RGS5: variants seen among roughly 807,000 people sequenced by gnomAD.
RGS5 encodes the protein regulator of G protein signaling 5.
In RGS5, 20 loss-of-function variants were observed where a neutral mutation model predicts 18.9. That is an observed-to-expected ratio of 1.06 (90% CI 0.74 to 1.54). The LOEUF (loss-of-function observed/expected upper bound fraction) is 1.54. RGS5 is among the 40% of genes most tolerant of loss of function. RGS5 has a pLI of 0.00. For synonymous variants in RGS5, 57 were observed against 76.2 expected, an observed-to-expected ratio of 0.75 and a Z score of 1.31; for missense variants, 201 against 211.8, an observed-to-expected ratio of 0.95 and a Z score of 0.32.
intron 3 of RGS5, among the ~76,000 whole-genome samples, chr1:163,158,646 G>A (rs897157627): frequency 3.9e-5 from 6 of 152,138 alleles, no homozygotes; most frequent in African/African-American, 1.4e-4. Flanking sequence ...GTGGGTCACA[G>A]AGATCACATG....
At position 163,278,850 on chromosome 1, in the gene RGS5, G is replaced by GA. The variant is rs530076339; in HGVS notation, c.-281+27382dup. On this transcript the variant is annotated intron_variant, in intron 2 of 5. Transcript: ENST00000618415. ...CACATAGACTGAAAGTGAAGGAATA[G>GA]AAAAAAACATGTCATGCAAATGGAA... Among the ~76,000 whole-genome samples the GA allele has an allele frequency of 2.0e-5, 3 of 151,920 alleles. No homozygotes were observed. The East Asian group carries it at 5.8e-4, about 29-fold the overall frequency.
intron 2 of RGS5, among the ~76,000 whole-genome samples, chr1:163,251,347 T>C (rs1199422930): frequency 2.0e-5 from 3 of 152,154 alleles, no homozygotes; most frequent in African/African-American, 7.2e-5. Flanking sequence ...AGAAGATATA[T>C]TTAGACCTTT....
At chr1:163,287,517 C>T (rs1649175535) in intron 2 of RGS5, among the ~76,000 whole-genome samples, 1 of 152,240 alleles carries the variant, frequency 6.6e-6, no homozygotes, top group South Asian at 2.1e-4. Flanking sequence ...TATCCACTCT[C>T]AGCCTGTGGA....
chr1:163,184,416 A>AT (rs1658983614), intron 1 of RGS5, among the ~76,000 whole-genome samples: 2 of 147,984 alleles, frequency 1.4e-5, no homozygotes, highest in Admixed American at 6.7e-5. Context: ...AAAAAAAAAA[A>AT]GGGAAGAACA....
intron 2 of RGS5, among the ~76,000 whole-genome samples, chr1:163,264,803 ATCC>A (rs919149440): frequency 1.3e-5 from 2 of 151,878 alleles, no homozygotes; most frequent in Admixed American, 6.6e-5. Context: ...AGTTCTTTAA[ATCC>A]TCCTATTTTC....
At chr1:163,248,383 CAAGAT>C (rs1648001246) in intron 2 of RGS5, 1 of 152,042 alleles carries the variant, frequency 6.6e-6, no homozygotes, top group Non-Finnish European at 1.5e-5. Flanking sequence ...TGATTGCCTT[CAAGAT>C]GAGATGATAT....
At chr1:163,168,917 T>C (rs537571962) in intron 1 of RGS5, among the ~76,000 whole-genome samples, 1 of 152,270 alleles carries the variant, frequency 6.6e-6, no homozygotes, top group South Asian at 2.1e-4. Context: ...AACATGCAGG[T>C]TTGTTACATA....
chr1:163,271,390 C>A (rs953069272), intron 2 of RGS5, among the ~76,000 whole-genome samples: 1 of 152,116 alleles, frequency 6.6e-6, no homozygotes, highest in South Asian at 2.1e-4. Flanking sequence ...TTCTTAATAA[C>A]GAAAAAGAGA....
At chr1:163,221,260 G>A (rs1647221711), upstream of RGS5, among the ~76,000 whole-genome samples, 1 of 152,198 alleles carries the variant, frequency 6.6e-6, no homozygotes, top group African/African-American at 2.4e-5. Context: ...CAGTTTGAGA[G>A]GCCAAGGTGA....
rs1352840337 is a variant in RGS5, at chr1:163,173,006, G to A, written c.45-4638C>T. Among the ~76,000 whole-genome samples, 5 of 152,172 alleles carry A rather than the reference G, an allele frequency of 3.3e-5. No homozygotes were observed. In the East Asian group the frequency reaches 9.7e-4, roughly 29 times the overall value. On this transcript the variant is annotated intron_variant, in intron 1 of 4. Coordinates refer to ENST00000313961, the MANE Select transcript of RGS5 (RefSeq NM_003617.4). Reference sequence around the variant, plus strand: ...AATGAAAAATTCAAACAAAACAATAGCTCCAGCTTACCAAACTATTTTCCC... The same window carrying A: ...AATGAAAAATTCAAACAAAACAATAACTCCAGCTTACCAAACTATTTTCCC...
chr1:163,148,223 G>A (rs533267744), intron 4 of RGS5, among the ~76,000 whole-genome samples: 20 of 152,108 alleles, frequency 1.3e-4, no homozygotes, highest in African/African-American at 2.6e-4. Flanking sequence ...CACCGCGTCC[G>A]GCCCTGGTGC....
At chr1:163,202,239 G>A (rs1291096584) in intron 1 of RGS5, among the ~76,000 whole-genome samples, 1 of 152,056 alleles carries the variant, frequency 6.6e-6, no homozygotes, top group African/African-American at 2.4e-5. Context: ...CCCAGTCCCT[G>A]TACATTAATA....
chr1:163,226,170 T>C lies in RGS5; in HGVS notation c.-280-57802A>G, dbSNP rs192366301. 1.4e-3 allele frequency among the ~76,000 whole-genome samples: 201 copies of C among 146,818 alleles called. 2 individuals carry two copies. The highest frequency in any genetic ancestry group is 4.7e-3 in the African/African-American group (193 of 41,036). ...CCCAACCTCAGGTGATCCGCCCACC[T>C]TGGCCTCCCAAAGTGCTGGGATTAT... On this transcript the variant is annotated intron_variant, in intron 2 of 5. Coordinates refer to the RGS5 transcript ENST00000618415.
At chr1:163,291,131 T>TAA (rs147710607) in intron 2 of RGS5, among the ~76,000 whole-genome samples, 1 of 146,128 alleles carries the variant, frequency 6.8e-6, no homozygotes, top group African/African-American at 2.5e-5. Flanking sequence ...GCCCACTTAT[T>TAA]AAAAAAAAAA....
upstream of RGS5, among the ~76,000 whole-genome samples, chr1:163,205,419 G>A (rs953442770): frequency 1.9e-4 from 27 of 145,050 alleles, no homozygotes; most frequent in South Asian, 1.4e-3. Flanking sequence ...AAAATAAATT[G>A]AACTATTTTA....
rs539384011 is a variant in RGS5 at position 163,187,230 on chromosome 1, TA to T, written c.44+15561del. Reference sequence around the variant, plus strand: ...CAGATTAGAGGGAAATTTTAAAAAATAAAATAAAAGTTATTTTAACCCTCAG... The same window carrying T: ...CAGATTAGAGGGAAATTTTAAAAAATAAATAAAAGTTATTTTAACCCTCAG... On this transcript the variant is annotated intron_variant, in intron 1 of 4. Transcript: ENST00000313961. Among the ~76,000 whole-genome samples, 473 of 152,298 alleles carry T rather than the reference TA, an allele frequency of 3.1e-3. 3 individuals are homozygous for T. Among genetic ancestry groups the T allele is most frequent in the African/African-American group, 0.011 (444 of 41,576 alleles).
intron 3 of RGS5, among the ~76,000 whole-genome samples, chr1:163,155,416 AC>A (rs1044071846): frequency 6.6e-6 from 1 of 152,020 alleles, no homozygotes; most frequent in Admixed American, 6.6e-5. Flanking sequence ...TATTCTTTTA[AC>A]CTTTTTGTTC....
intron 1 of RGS5, among the ~76,000 whole-genome samples, chr1:163,317,535 T>C (rs940198551): frequency 2.0e-5 from 3 of 152,224 alleles, no homozygotes; most frequent in Non-Finnish European, 4.4e-5. Context: ...ACTGGTTTCC[T>C]TCTTGCTGGT....
chr1:163,270,999 A>T (rs1648704210), intron 2 of RGS5, among the ~76,000 whole-genome samples: 1 of 152,188 alleles, frequency 6.6e-6, no homozygotes, highest in Non-Finnish European at 1.5e-5. Flanking sequence ...CTGTAAGTAT[A>T]CAATGCAATG....
Sources: allele counts gnomAD v4.1 joint callset (sites outside exome capture counted in the v4.1 genomes callset), GRCh38; gene constraint gnomAD v4.1.1; transcripts MANE v1.5; gene names NCBI Gene and HGNC (gene_info 2026-07-23, HGNC 2026-07-21).